The following CAMTA1 variants were observed in gnomAD, a reference collection of about 807,000 sequenced individuals.
CAMTA1 encodes calmodulin binding transcription activator 1.
A neutral mutation model predicts 170.9 loss-of-function variants in CAMTA1; 27 were observed. The ratio of observed to expected loss-of-function variants is 0.16; its 90% CI spans 0.12 to 0.22. The LOEUF (loss-of-function observed/expected upper bound fraction) is 0.22, where lower values mean the gene tolerates loss of function less well. CAMTA1 is among the 10% of genes least tolerant of loss of function. The probability of loss-of-function intolerance (pLI) is 1.00; values close to 1 mark genes in which losing one functional copy is unlikely to be tolerated. For synonymous variants in CAMTA1, 833 were observed against 891.5 expected, an observed-to-expected ratio of 0.93 and a Z score of 1.17; for missense variants, 1,619 against 2,217.2, an observed-to-expected ratio of 0.73 and a Z score of 5.42.
intron 6 of CAMTA1, among the ~76,000 whole-genome samples, chr1:7,568,802 TCAA>T (rs1201797479): frequency 6.7e-5 from 10 of 148,390 alleles, no homozygotes; most frequent in African/African-American, 2.0e-4. Context: ...CCATCCATCA[TCAA>T]CATCACCATC....
chr1:6,803,538 G>A (rs567050573), intron 1 of CAMTA1, among the ~76,000 whole-genome samples: 6 of 152,296 alleles, frequency 3.9e-5, no homozygotes, highest in Non-Finnish European at 2.9e-5. Context: ...CCTGCGCACC[G>A]TTGAATTCTC....
chr1:7,649,445 G>A (rs1011625750), intron 7 of CAMTA1, among the ~76,000 whole-genome samples: 4 of 152,310 alleles, frequency 2.6e-5, no homozygotes, highest in Admixed American at 2.0e-4. Flanking sequence ...AGGCAGGGCA[G>A]GTTCCTGGAA....
chr1:7,240,535 T>A (rs1178605021), intron 4 of CAMTA1, among the ~76,000 whole-genome samples: 5 of 150,652 alleles, frequency 3.3e-5, no homozygotes, highest in South Asian at 2.1e-4. Context: ...TTTTTTTTTT[T>A]AATTGAGATG....
Position 7,763,819 on chromosome 1 carries a change from C to T in CAMTA1, c.4990-2640C>T, listed in dbSNP as rs1361731877. Among the ~76,000 whole-genome samples the T allele has an allele frequency of 3.3e-5, 5 of 152,192 alleles. No homozygotes were observed. In the East Asian group the frequency reaches 7.7e-4, roughly 23 times the overall value. ...TATAACATCGTCGTGTTTATGCTAT[C>T]AGATTTTGAGTTCAGAATTCCTCAA... On this transcript the variant is annotated intron_variant, in intron 22 of 22. Coordinates refer to ENST00000303635, the MANE Select transcript of CAMTA1 (RefSeq NM_015215.4).
At chr1:6,942,928 G>A (rs1228625623) in intron 3 of CAMTA1, among the ~76,000 whole-genome samples, 3 of 152,166 alleles carry the variant, frequency 2.0e-5, no homozygotes, top group Non-Finnish European at 2.9e-5. Context: ...GCTCTGGGCC[G>A]AGCAGGGCAT....
intron 3 of CAMTA1, among the ~76,000 whole-genome samples, chr1:6,975,290 C>A (rs1228454169): frequency 6.6e-6 from 1 of 152,110 alleles, no homozygotes; most frequent in East Asian, 1.9e-4. Flanking sequence ...AGGAGTAAAC[C>A]CTGAAAATTT....
At chr1:7,645,317 G>A (rs999233218) in intron 7 of CAMTA1, among the ~76,000 whole-genome samples, 10 of 152,250 alleles carry the variant, frequency 6.6e-5, no homozygotes, top group Non-Finnish European at 1.5e-4. Context: ...CCTACAGAAA[G>A]CCAGATGGAA....
chr1:7,669,692 C>T (rs940803886), intron 9 of CAMTA1, among the ~76,000 whole-genome samples: 1 of 152,208 alleles, frequency 6.6e-6, no homozygotes. Flanking sequence ...CGCCCCACTG[C>T]AGGGAAAGGT....
chr1:7,235,787 G>C (rs1663726830), intron 4 of CAMTA1, among the ~76,000 whole-genome samples: 1 of 152,174 alleles, frequency 6.6e-6, no homozygotes, highest in African/African-American at 2.4e-5. Flanking sequence ...AATCTATCTA[G>C]TCGTTTGTTC....
At chr1:6,908,772 T>C (rs965320490) in intron 3 of CAMTA1, among the ~76,000 whole-genome samples, 10 of 152,228 alleles carry the variant, frequency 6.6e-5, no homozygotes, top group African/African-American at 2.2e-4. Flanking sequence ...GTGGAAGTGC[T>C]CCTGGCTTCG....
chr1:7,032,175 G>A (rs1395911093), intron 3 of CAMTA1, among the ~76,000 whole-genome samples: 1 of 151,966 alleles, frequency 6.6e-6, no homozygotes, highest in East Asian at 1.9e-4. Flanking sequence ...CATTTGACCA[G>A]GCTGGCCTTG....
At chr1:6,976,742 A>G (rs4518923) in intron 3 of CAMTA1, among the ~76,000 whole-genome samples, 40,006 of 152,114 alleles carry the variant, frequency 0.26, 6,347 homozygotes, top group Non-Finnish European at 0.35. Context: ...ATGTCAGGCA[A>G]ATAGCAAGCA....
At chr1:7,577,308 C>T (rs1215033355) in intron 6 of CAMTA1, among the ~76,000 whole-genome samples, 1 of 152,024 alleles carries the variant, frequency 6.6e-6, no homozygotes, top group Non-Finnish European at 1.5e-5. Flanking sequence ...AGGGCCCCCC[C>T]TTGTGCTTAT....
intron 5 of CAMTA1, among the ~76,000 whole-genome samples, chr1:7,398,500 A>G (rs1475461063): frequency 2.0e-5 from 3 of 151,902 alleles, no homozygotes; most frequent in Admixed American, 6.6e-5. Context: ...GTGTCCTTAC[A>G]GGTGAACTGA....
intron 4 of CAMTA1, among the ~76,000 whole-genome samples, chr1:7,191,681 G>A (rs1222109944): frequency 6.6e-6 from 1 of 152,148 alleles, no homozygotes; most frequent in Non-Finnish European, 1.5e-5. Flanking sequence ...CTCCACATCT[G>A]GTACAGCTGC....
chr1:6,868,960 T>C (rs1667576754), intron 3 of CAMTA1, among the ~76,000 whole-genome samples: 1 of 152,204 alleles, frequency 6.6e-6, no homozygotes, highest in Admixed American at 6.5e-5. Context: ...TCTAATTCAC[T>C]TACTAGTTAC....
chr1:7,416,597 G>C (rs2091192044), intron 5 of CAMTA1, among the ~76,000 whole-genome samples: 1 of 152,130 alleles, frequency 6.6e-6, no homozygotes, highest in Non-Finnish European at 1.5e-5. Flanking sequence ...TCGAGCCTTG[G>C]CTTTCAGCTC....
In CAMTA1 at chr1:7,381,148, TTTTA is replaced by T. The variant is rs898231273; in HGVS notation, c.439-86667_439-86664del. Reference sequence around the variant, plus strand: ...CGGTTTGATTTTTCTTTTTTTTATTTTTTATTTATTTATTTATTATTATACTTTA... The same window carrying T: ...CGGTTTGATTTTTCTTTTTTTTATTTTTTATTTATTTATTATTATACTTTA... On this transcript the variant is annotated intron_variant, in intron 5 of 22. Coordinates refer to ENST00000303635, the MANE Select transcript of CAMTA1 (RefSeq NM_015215.4). Among the ~76,000 whole-genome samples the T allele has an allele frequency of 1.2e-4, 18 of 152,174 alleles. No homozygotes were observed. In the South Asian group the frequency reaches 3.7e-3, roughly 32 times the overall value.
At chr1:7,385,811 T>A (rs2087893895) in intron 5 of CAMTA1, among the ~76,000 whole-genome samples, 1 of 152,228 alleles carries the variant, frequency 6.6e-6, no homozygotes, top group Non-Finnish European at 1.5e-5. Context: ...CTTCCACATT[T>A]GGCCTCCCAG....
Sources: gnomAD v4.1 joint callset for allele counts (sites outside exome capture counted in the v4.1 genomes callset) on GRCh38, gnomAD v4.1.1 for gene constraint, MANE v1.5 for transcripts, NCBI Gene and HGNC (gene_info 2026-07-23, HGNC 2026-07-21) for gene names.